The following JADE1 variants were observed in gnomAD, a reference collection of about 807,000 sequenced individuals.
JADE1 encodes protein Jade-1.
A neutral mutation model predicts 81.8 loss-of-function variants in JADE1; 14 were observed. That is an observed-to-expected ratio of 0.17 (90% CI 0.11 to 0.27). The LOEUF (loss-of-function observed/expected upper bound fraction) is 0.27. Among genes scored for constraint, JADE1 ranks in the 10% least tolerant of loss-of-function variants. The probability of loss-of-function intolerance (pLI) is 1.00; values close to 1 mark genes in which losing one functional copy is unlikely to be tolerated. For synonymous variants in JADE1, 353 were observed against 391.9 expected, an observed-to-expected ratio of 0.90 and a Z score of 1.17; for missense variants, 690 against 1,047.9, an observed-to-expected ratio of 0.66 and a Z score of 4.71.
chr4:128,849,077 C>G lies in JADE1; in HGVS notation c.394C>G (p.Arg132Gly). The change falls in exon 5 of 11, where the codon CGG becomes GGG. Residue 132 changes from arginine to glycine, a missense_variant. Physicochemically the swap from Arg to Gly is moderately radical, Grantham distance 125. Coordinates refer to ENST00000226319, the MANE Select transcript of JADE1 (RefSeq NM_199320.4). The part of the protein sequence containing the change: ...EPPELGYVDI[R>G]TLADSVCRYD... ...TCCCGAGTTGGGCTATGTGGACATC[C>G]GGACGCTGGCTGACAGCGTGTGTCG... 1 of 1,614,092 alleles carries G rather than the reference C, an allele frequency of 6.2e-7. No homozygotes were observed. The highest frequency in any genetic ancestry group is 8.5e-7 in the Non-Finnish European group (1 of 1,180,024).
In JADE1 at chr4:128,871,467, C is replaced by T; in HGVS notation, c.1734C>T (p.Phe578=). 2 of 1,614,168 alleles carry T rather than the reference C, an allele frequency of 1.2e-6. No homozygotes were observed. The highest frequency in any genetic ancestry group is 2.7e-5 in the African/African-American group (2 of 75,032). The change falls in exon 11 of 11, where the codon TTC becomes TTT. Residue 578 remains phenylalanine, a synonymous_variant. Transcript: ENST00000226319. This position sits in a 1 kb window ranked among gnomAD's most constrained non-coding sequence, Gnocchi z 4.1. ...KIEDLKWHSA[F]FRKQMGTSLV... is the part of the protein sequence containing the mutation. ...AGGACTTGAAGTGGCATTCTGCATT[C>T]TTCAGAAAACAAATGGGTACTTCCT...
At chr4:128,812,372 C>CCGGCGGG (rs1044456479) in intron 1 of JADE1, among the ~76,000 whole-genome samples, 15 of 151,416 alleles carry the variant, frequency 9.9e-5, no homozygotes, top group African/African-American at 3.4e-4. Flanking sequence ...TGCGCATTCC[C>CCGGCGGG]CGGCGGGCGG....
intron 2 of JADE1, among the ~76,000 whole-genome samples, chr4:128,836,594 A>G (rs978756105): frequency 1.1e-4 from 16 of 152,202 alleles, no homozygotes; most frequent in African/African-American, 3.6e-4. Flanking sequence ...TCAAGAGGCA[A>G]CTATGTTTCT....
In JADE1 at chr4:128,831,721, A is replaced by C. The variant is rs746662144; in HGVS notation, c.-26-12A>C. On this transcript the variant is annotated splice_polypyrimidine_tract_variant and intron_variant, in intron 1 of 10. Transcript: ENST00000226319. ...ATCATCTTGGGTTAAGTGCTGTCTC[A>C]TTGCTTTGCAGGCTGCCTGCTGTTT... 12 of 1,613,522 alleles carry C rather than the reference A, an allele frequency of 7.4e-6. No homozygotes were observed. In the South Asian group the frequency reaches 1.3e-4, roughly 18 times the overall value.
chr4:128,813,331 C>G (rs980404488), intron 1 of JADE1, among the ~76,000 whole-genome samples: 1 of 150,786 alleles, frequency 6.6e-6, no homozygotes, highest in African/African-American at 2.4e-5. Flanking sequence ...GAGTAACACT[C>G]TTAGCAAGTA....
At chr4:128,848,094 C>T (rs1327435755) in intron 4 of JADE1, among the ~76,000 whole-genome samples, 1 of 152,158 alleles carries the variant, frequency 6.6e-6, no homozygotes, top group East Asian at 1.9e-4. Context: ...TTCCTGGGAT[C>T]ATGGGTATAT....
At position 128,852,205 on chromosome 4, in the gene JADE1, T is replaced by G. The variant is rs896897810; in HGVS notation, c.633T>G (p.Ser211=). ...DEDVVCDVCQ[S]PDGEDGNEMV... Reference sequence around the variant, plus strand: ...ATGTTGTCTGTGATGTCTGCCAGTCTCCTGATGGTGAGGACGGCAATGAGA... The same window carrying G: ...ATGTTGTCTGTGATGTCTGCCAGTCGCCTGATGGTGAGGACGGCAATGAGA... Residue 211 remains serine, a synonymous_variant, in exon 6 of 11, where the codon TCT becomes TCG. Coordinates refer to ENST00000226319, the MANE Select transcript of JADE1 (RefSeq NM_199320.4). 1 of 1,614,124 alleles carries G rather than the reference T, an allele frequency of 6.2e-7. No homozygotes were observed. The highest frequency in any genetic ancestry group is 8.5e-7 in the Non-Finnish European group (1 of 1,180,004).
intron 1 of JADE1, among the ~76,000 whole-genome samples, chr4:128,813,614 G>T (rs967119537): frequency 1.3e-5 from 2 of 151,690 alleles, no homozygotes; most frequent in Non-Finnish European, 2.9e-5. Context: ...GTAGAGACGG[G>T]GTTTCACCAT....
At chr4:128,825,149 C>T (rs1180548223) in intron 1 of JADE1, among the ~76,000 whole-genome samples, 1 of 152,158 alleles carries the variant, frequency 6.6e-6, no homozygotes, top group African/African-American at 2.4e-5. Flanking sequence ...AAGCGATTCT[C>T]CTGCCTTAGC....
At chr4:128,811,638 G>GA (rs1726387596) in intron 1 of JADE1, among the ~76,000 whole-genome samples, 1 of 91,786 alleles carries the variant, frequency 1.1e-5, no homozygotes, top group Admixed American at 1.1e-4. Flanking sequence ...CCGGGCCGGG[G>GA]TGGGGGGTTG....
intron 1 of JADE1, among the ~76,000 whole-genome samples, chr4:128,820,678 GTC>G (rs769060250): frequency 1.8e-4 from 27 of 151,946 alleles, no homozygotes; most frequent in Middle Eastern, 3.4e-3. Context: ...AACATTGGGA[GTC>G]TCTCTCTTTT....
chr4:128,855,476 GGAGAC>G (rs1157012455), intron 6 of JADE1, among the ~76,000 whole-genome samples, 149 bp from the exon 7 acceptor site: 2 of 152,220 alleles, frequency 1.3e-5, no homozygotes, highest in African/African-American at 4.8e-5. Context: ...TTTCCCGAGG[GGAGAC>G]GGTCGTAGCC....
intron 5 of JADE1, among the ~76,000 whole-genome samples, chr4:128,850,730 T>C (rs1405726898): frequency 1.3e-5 from 2 of 152,210 alleles, no homozygotes; most frequent in Non-Finnish European, 2.9e-5. Flanking sequence ...TGTAATACAC[T>C]TGACTGGAAT....
At chr4:128,863,086 C>T (rs1731494307) in intron 9 of JADE1, 5 of 985,560 alleles carry the variant, frequency 5.1e-6, no homozygotes, top group Non-Finnish European at 6.0e-6. Context: ...TGTTGGCTGC[C>T]GAGCCTCAGC....
intron 1 of JADE1, among the ~76,000 whole-genome samples, chr4:128,820,911 A>G (rs6833391): frequency 0.47 from 72,056 of 152,058 alleles, 20,439 homozygotes; most frequent in South Asian, 0.63. Flanking sequence ...GCATTTAAAA[A>G]TCTTTTAAAA....
rs767390193 is a variant in JADE1 at position 128,867,990 on chromosome 4, G to C, written c.1621+17G>C. On this transcript the variant is annotated intron_variant, in intron 10 of 10. Coordinates refer to ENST00000226319, the MANE Select transcript of JADE1 (RefSeq NM_199320.4). The stretch of plus-strand genomic sequence containing the variant: ...GAGTTTCAGGTATGCATTAAGCCCT[G>C]GTAGGTCAAAGTATAGGGCAGGGGT... 1.4e-6 allele frequency: 2 copies of C among 1,444,602 alleles called. No individual in the cohort carries two copies. The highest frequency in any genetic ancestry group is 2.8e-5 in the African/African-American group (2 of 71,540). 89.5% of individuals were successfully genotyped at this position (1,444,602 alleles called of 1,614,324 possible).
intron 3 of JADE1, among the ~76,000 whole-genome samples, chr4:128,844,773 G>C (rs1213647064): frequency 1.3e-5 from 2 of 152,070 alleles, no homozygotes; most frequent in Admixed American, 6.5e-5. Context: ...CTTGTTAATA[G>C]GTCTTTAGAA....
At chr4:128,845,657 G>A (rs185834502) in intron 3 of JADE1, among the ~76,000 whole-genome samples, 2 of 152,094 alleles carry the variant, frequency 1.3e-5, no homozygotes, top group African/African-American at 4.8e-5. Flanking sequence ...GCTCATGCTT[G>A]TAATCCCAGC....
intron 1 of JADE1, chr4:128,810,442 G>A (rs1229886011): frequency 3.1e-5 from 4 of 130,586 alleles, no homozygotes; most frequent in Non-Finnish European, 6.4e-5. Flanking sequence ...GTTGGCTTTA[G>A]TTTATAGGTT....
Sources: gnomAD v4.1 joint callset for allele counts (sites outside exome capture counted in the v4.1 genomes callset) on GRCh38, gnomAD v4.1.1 for gene constraint, Gnocchi (gnomAD v3.1) non-coding constraint, MANE v1.5 for transcripts, NCBI Gene and HGNC (gene_info 2026-07-23, HGNC 2026-07-21) for gene names.